The following ASTN2 variants were observed in gnomAD, a reference collection of about 807,000 sequenced individuals.
The protein encoded by ASTN2 is astrotactin-2.
A neutral mutation model predicts 139.8 loss-of-function variants in ASTN2; 54 were observed. The ratio of observed to expected loss-of-function variants is 0.39; its 90% CI spans 0.31 to 0.48. The LOEUF (loss-of-function observed/expected upper bound fraction) is 0.48. ASTN2 is among the 20% of genes least tolerant of loss of function. The pLI is 0.95. For missense variants in ASTN2, 1,565 were observed against 1,725.1 expected, an observed-to-expected ratio of 0.91 and a Z score of 1.64; for synonymous variants, 756 against 719.5, an observed-to-expected ratio of 1.05 and a Z score of -0.81.
intron 10 of ASTN2, among the ~76,000 whole-genome samples, chr9:116,915,885 G>T (rs1461812878): frequency 2.0e-5 from 3 of 152,182 alleles, no homozygotes; most frequent in Non-Finnish European, 4.4e-5. Flanking sequence ...TGGGGAGTGA[G>T]GTGGAAAGTG....
chr9:116,438,443 C>A (rs1367411832), intron 22 of ASTN2, among the ~76,000 whole-genome samples: 1 of 152,216 alleles, frequency 6.6e-6, no homozygotes, highest in African/African-American at 2.4e-5. Context: ...CCTGCTGTCA[C>A]ACACTTTGCT....
chr9:116,951,520 G>T (rs751667942), intron 10 of ASTN2, among the ~76,000 whole-genome samples: 1 of 152,028 alleles, frequency 6.6e-6, no homozygotes, highest in Non-Finnish European at 1.5e-5. Flanking sequence ...ATAAAGGAGA[G>T]GGAAGGTATG....
At chr9:116,644,890 T>C (rs1031355271) in intron 17 of ASTN2, among the ~76,000 whole-genome samples, 4 of 152,160 alleles carry the variant, frequency 2.6e-5, no homozygotes, top group Admixed American at 1.3e-4. Context: ...AAAGGGGACC[T>C]TGGATGAAGT....
chr9:117,277,862 A>G (rs1017300722), intron 2 of ASTN2, among the ~76,000 whole-genome samples: 2 of 152,220 alleles, frequency 1.3e-5, no homozygotes, highest in African/African-American at 2.4e-5. Context: ...ATTCCCCACC[A>G]TATGGTAAGT....
chr9:117,021,691 G>A (rs546489053), intron 6 of ASTN2, among the ~76,000 whole-genome samples: 1 of 152,108 alleles, frequency 6.6e-6, no homozygotes, highest in African/African-American at 2.4e-5. Context: ...AAATGATAAT[G>A]ATCCAGTTAA....
chr9:117,147,898 T>C (rs1830238774), intron 3 of ASTN2, among the ~76,000 whole-genome samples: 1 of 152,178 alleles, frequency 6.6e-6, no homozygotes, highest in African/African-American at 2.4e-5. Context: ...ATGGGTATGT[T>C]AATCTTGGAG....
intron 1 of ASTN2, among the ~76,000 whole-genome samples, chr9:117,333,474 C>T (rs1564151481): frequency 6.6e-6 from 1 of 152,132 alleles, no homozygotes; most frequent in South Asian, 2.1e-4. Flanking sequence ...AATGATCTAG[C>T]CATCTTCAAA....
chr9:116,916,283 T>C (rs1292493826), intron 10 of ASTN2, among the ~76,000 whole-genome samples: 1 of 152,080 alleles, frequency 6.6e-6, no homozygotes, highest in Admixed American at 6.5e-5. Flanking sequence ...ACACCCAAAG[T>C]CTTGTGGTAG....
intron 1 of ASTN2, among the ~76,000 whole-genome samples, chr9:117,390,769 T>C (rs184988717): frequency 4.6e-5 from 7 of 152,328 alleles, no homozygotes; most frequent in Admixed American, 2.0e-4. Context: ...ACATGTTGGT[T>C]TCCTCCACAT....
intron 1 of ASTN2, among the ~76,000 whole-genome samples, chr9:117,385,051 A>G (rs1167121381): frequency 6.6e-6 from 1 of 152,168 alleles, no homozygotes; most frequent in African/African-American, 2.4e-5. Flanking sequence ...GAACTCCACT[A>G]TATATAGTAT....
intron 10 of ASTN2, among the ~76,000 whole-genome samples, chr9:116,970,449 G>A (rs987739957): frequency 1.3e-5 from 2 of 152,150 alleles, no homozygotes; most frequent in Non-Finnish European, 2.9e-5. Context: ...TAACCTCCAG[G>A]TGGGTTTGAC....
intron 5 of ASTN2, among the ~76,000 whole-genome samples, chr9:117,093,119 A>G (rs538710563): frequency 1.1e-4 from 16 of 152,112 alleles, no homozygotes; most frequent in Non-Finnish European, 1.9e-4. Context: ...CTCAGAGAAG[A>G]TCCACCCGTC....
intron 5 of ASTN2, among the ~76,000 whole-genome samples, chr9:117,091,470 G>A (rs781260023): frequency 2.0e-5 from 3 of 152,146 alleles, no homozygotes; most frequent in South Asian, 2.1e-4. Flanking sequence ...GTCTACAAAG[G>A]GGGGTACAGC....
intron 2 of ASTN2, among the ~76,000 whole-genome samples, chr9:117,227,603 T>C (rs971154086): frequency 5.3e-5 from 8 of 152,208 alleles, no homozygotes; most frequent in African/African-American, 1.9e-4. Context: ...TATTAGCCTA[T>C]ACCCGAGGAC....
chr9:117,366,057 C>T (rs899333484), intron 1 of ASTN2, among the ~76,000 whole-genome samples: 18 of 152,178 alleles, frequency 1.2e-4, no homozygotes, highest in African/African-American at 3.9e-4. Context: ...CCCTTGTAAA[C>T]TCCTTGAGGG....
chr9:116,823,684 C>T (rs1303233339), intron 11 of ASTN2, among the ~76,000 whole-genome samples: 1 of 152,184 alleles, frequency 6.6e-6, no homozygotes, highest in Non-Finnish European at 1.5e-5. Flanking sequence ...TATAGTCTCT[C>T]TCCCCAAGAT....
intron 19 of ASTN2, among the ~76,000 whole-genome samples, chr9:116,556,061 G>A (rs1852598839): frequency 6.6e-6 from 1 of 152,188 alleles, no homozygotes; most frequent in Non-Finnish European, 1.5e-5. Context: ...TCTGTGCTAT[G>A]TACTGAGGAT....
intron 3 of ASTN2, 59 bp from the exon 4 acceptor site, chr9:117,141,537 A>G: frequency 1.5e-6 from 2 of 1,315,128 alleles, no homozygotes; most frequent in African/African-American, 3.0e-5. Flanking sequence ...CACCTAGAGC[A>G]CTGGGGCTGA....
At chr9:117,071,386 G>C (rs1384321039) in intron 5 of ASTN2, among the ~76,000 whole-genome samples, 1 of 151,428 alleles carries the variant, frequency 6.6e-6, no homozygotes, top group Non-Finnish European at 1.5e-5. Context: ...CTCCAGCTGC[G>C]TGCTGGGAGA....
Sources: allele counts gnomAD v4.1 joint callset (sites outside exome capture counted in the v4.1 genomes callset), GRCh38; gene constraint gnomAD v4.1.1; transcripts MANE v1.5; gene names NCBI Gene and HGNC (gene_info 2026-07-23, HGNC 2026-07-21).